RBM6: variants seen among roughly 807,000 people sequenced by gnomAD.
The protein encoded by RBM6 is RNA binding motif protein 6.
Under a neutral mutation model 140.4 loss-of-function variants are expected in RBM6, and 23 were observed. The observed-to-expected ratio is 0.16, with a 90% CI of 0.12 to 0.23. RBM6 has a LOEUF of 0.23. Ranked by LOEUF, RBM6 falls within the 10% of genes least tolerant of loss-of-function variation. RBM6 has a pLI of 1.00. For missense variants in RBM6, 1,139 were observed against 1,386.7 expected, an observed-to-expected ratio of 0.82 and a Z score of 2.84; for synonymous variants, 439 against 475.6, an observed-to-expected ratio of 0.92 and a Z score of 1.00.
chr3:50,075,953 T>C (rs769813071), intron 20 of RBM6, among the ~76,000 whole-genome samples: 35 of 152,046 alleles, frequency 2.3e-4, no homozygotes, highest in Non-Finnish European at 4.0e-4. Flanking sequence ...GGTATTTGTT[T>C]AATAATGAAA....
intron 5 of RBM6, among the ~76,000 whole-genome samples, chr3:49,993,526 T>C (rs1055225071): frequency 2.6e-5 from 4 of 152,076 alleles, no homozygotes; most frequent in South Asian, 2.1e-4. Context: ...CCTGTAAACC[T>C]AGCTACTCAG....
At chr3:50,006,515 G>A (rs893114761) in intron 6 of RBM6, among the ~76,000 whole-genome samples, 1 of 152,268 alleles carries the variant, frequency 6.6e-6, no homozygotes, top group East Asian at 1.9e-4. Flanking sequence ...ACTACCGGGG[G>A]TTGCATTTCG....
intron 1 of RBM6, among the ~76,000 whole-genome samples, chr3:49,952,005 G>GC (rs1374164661): frequency 6.6e-6 from 1 of 151,570 alleles, no homozygotes; most frequent in Non-Finnish European, 1.5e-5. Context: ...ATAGGTGTGA[G>GC]CCCCCATGCC....
chr3:49,954,106 C>T (rs915103834), intron 1 of RBM6, among the ~76,000 whole-genome samples: 4 of 150,920 alleles, frequency 2.7e-5, no homozygotes, highest in Admixed American at 2.0e-4. Context: ...ACTGCACTCC[C>T]GCTTGGGTGA....
chr3:49,951,308 G>A (rs1182498681), intron 1 of RBM6, among the ~76,000 whole-genome samples: 4 of 151,856 alleles, frequency 2.6e-5, no homozygotes, highest in African/African-American at 9.7e-5. Flanking sequence ...TGCCTCCCAG[G>A]CACAAGCCAT....
At chr3:49,988,786 A>C (rs558084952) in intron 5 of RBM6, among the ~76,000 whole-genome samples, 1 of 152,098 alleles carries the variant, frequency 6.6e-6, no homozygotes, top group African/African-American at 2.4e-5. Flanking sequence ...CCTGGGCAAC[A>C]TGGCAAAACC....
In RBM6 at chr3:49,993,162, T is replaced by G. The variant is rs79700057; in HGVS notation, c.1484-6278T>G. ...GCTCATATGACACCATTACTGCCAGTGGAATTGAAATAAATTGAGTAAGGG... is the reference window on the plus strand; with the variant it reads ...GCTCATATGACACCATTACTGCCAGGGGAATTGAAATAAATTGAGTAAGGG... On this transcript the variant is annotated intron_variant, in intron 5 of 20. Transcript: ENST00000266022. Among the ~76,000 whole-genome samples the G allele has an allele frequency of 7.0e-4, 107 of 152,226 alleles. 2 individuals are homozygous for G. The East Asian group carries it at 0.015, about 21-fold the overall frequency.
chr3:49,957,830 T>A (rs2084068044), intron 1 of RBM6, among the ~76,000 whole-genome samples: 1 of 135,506 alleles, frequency 7.4e-6, no homozygotes, highest in African/African-American at 2.8e-5. Context: ...CAGAGATCTT[T>A]CTTTCTTTTT....
chr3:49,988,855 C>T (rs538064083), intron 5 of RBM6, among the ~76,000 whole-genome samples: 34 of 151,536 alleles, frequency 2.2e-4, no homozygotes, highest in Non-Finnish European at 3.4e-4. Flanking sequence ...CCAGGTACTC[C>T]GGAGGCTGAG....
At chr3:49,983,731 G>A (rs760311420) in intron 5 of RBM6, among the ~76,000 whole-genome samples, 113 of 152,134 alleles carry the variant, frequency 7.4e-4, no homozygotes, top group Non-Finnish European at 1.2e-3. Flanking sequence ...TACAACCTTC[G>A]GGGAGGATGT....
intron 5 of RBM6, among the ~76,000 whole-genome samples, chr3:49,992,618 A>G (rs1283908912): frequency 1.3e-5 from 2 of 152,220 alleles, no homozygotes; most frequent in Non-Finnish European, 2.9e-5. Context: ...CTGCAATCAC[A>G]TGGTGAGTTA....
At chr3:49,944,249 T>G (rs1273508007) in intron 1 of RBM6, among the ~76,000 whole-genome samples, 1 of 152,204 alleles carries the variant, frequency 6.6e-6, no homozygotes, top group Non-Finnish European at 1.5e-5. Context: ...CATATAATAT[T>G]TGATCTTTTG....
intron 6 of RBM6, among the ~76,000 whole-genome samples, chr3:50,035,453 T>C (rs1231628250): frequency 1.3e-5 from 2 of 151,954 alleles, no homozygotes; most frequent in Non-Finnish European, 2.9e-5. Context: ...GAGGCCGAGG[T>C]GGGCGGATCA....
intron 5 of RBM6, among the ~76,000 whole-genome samples, chr3:49,984,619 TCGCATCGCATCGCATCGCATCGCATCGC>T (rs2085470573): frequency 2.6e-5 from 1 of 38,330 alleles, no homozygotes; most frequent in Non-Finnish European, 6.4e-5. Flanking sequence ...TCACATCGCA[TCGCATCGCATCGCATCGCATCGCATCGC>T]ATCGCATCGC....
At chr3:50,068,665 C>T (rs2090193212) in intron 17 of RBM6, 25 bp from the exon 18 acceptor site, 2 of 1,607,526 alleles carry the variant, frequency 1.2e-6, no homozygotes, top group Non-Finnish European at 1.7e-6. Context: ...TAGACCTATA[C>T]TCATAGAATT....
At chr3:49,957,825 ATCTT>A (rs1424680416) in intron 1 of RBM6, among the ~76,000 whole-genome samples, 3 of 145,170 alleles carry the variant, frequency 2.1e-5, no homozygotes, top group East Asian at 3.9e-4. Context: ...TTTACCAGAG[ATCTT>A]TCTTTCTTTT....
chr3:50,066,162 G>T (rs913856138), intron 16 of RBM6, 80 bp from the exon 17 acceptor site: 3 of 1,407,754 alleles, frequency 2.1e-6, no homozygotes, highest in African/African-American at 1.4e-5. Context: ...GAAATGAGAT[G>T]CCCATATCAG....
intron 7 of RBM6, among the ~76,000 whole-genome samples, chr3:50,051,679 C>T (rs2089474488): frequency 6.6e-6 from 1 of 152,138 alleles, no homozygotes; most frequent in African/African-American, 2.4e-5. Context: ...TATTATGTAC[C>T]TATTAAAATT....
intron 1 of RBM6, among the ~76,000 whole-genome samples, chr3:49,946,699 C>G (rs1450212150): frequency 6.6e-6 from 1 of 151,948 alleles, no homozygotes; most frequent in African/African-American, 2.4e-5. Flanking sequence ...CCACGCCTGG[C>G]TAATTTTTGT....
Sources: gnomAD v4.1 joint callset for allele counts (sites outside exome capture counted in the v4.1 genomes callset) on GRCh38, gnomAD v4.1.1 for gene constraint, MANE v1.5 for transcripts, NCBI Gene and HGNC (gene_info 2026-07-23, HGNC 2026-07-21) for gene names.